The following F2 variants were observed in gnomAD, a reference collection of about 807,000 sequenced individuals.
F2 encodes prothrombin.
A neutral mutation model predicts 81.9 loss-of-function variants in F2; 34 were observed. That is an observed-to-expected ratio of 0.42 (90% CI 0.32 to 0.55). F2 has a LOEUF of 0.55. Among genes scored for constraint, F2 ranks in the 20% least tolerant of loss-of-function variants. F2 has a pLI of 0.18. For missense variants in F2, 630 were observed against 833.4 expected, an observed-to-expected ratio of 0.76 and a Z score of 3.00; for synonymous variants, 296 against 326.4, an observed-to-expected ratio of 0.91 and a Z score of 1.01.
Position 46,728,914 on chromosome 11 carries a change from A to AT in F2, c.1472+77_1472+78insT. 1.3e-6 allele frequency: 2 copies of AT among 1,521,942 alleles called. No homozygotes were observed. Among genetic ancestry groups the AT allele is most frequent in the Non-Finnish European group, 1.8e-6 (2 of 1,103,498 alleles). The allele number at this position is 1,521,942 out of a possible 1,614,324, so 94.3% of individuals were successfully genotyped here. ...TGGCTCTGATACCAAGTAGCCTTGC[A>AT]AGAGCCCCTTTCCCTTTTCCAGGCC... On this transcript the variant is annotated intron_variant, in intron 11 of 13. Coordinates refer to ENST00000311907, the MANE Select transcript of F2 (RefSeq NM_000506.5). This position sits in a 1 kb window ranked among gnomAD's most constrained non-coding sequence, Gnocchi z 5.1.
intron 12 of F2, among the ~76,000 whole-genome samples, chr11:46,730,862 CAAA>C (rs201584455): frequency 1.5e-5 from 2 of 135,782 alleles, no homozygotes; most frequent in Admixed American, 1.5e-4. Flanking sequence ...TGAGTATTTC[CAAA>C]AAAAAAAAAA....
chr11:46,722,706 T>TC (rs1297271601), intron 4 of F2, among the ~76,000 whole-genome samples: 1 of 152,358 alleles, frequency 6.6e-6, no homozygotes, highest in East Asian at 1.9e-4. Context: ...AGAGATGGCT[T>TC]CCCAGGAGAG....
chr11:46,728,529 T>C lies in F2; in HGVS notation c.1299-135T>C. On this transcript the variant is annotated intron_variant, in intron 10 of 13. Coordinates refer to ENST00000311907, the MANE Select transcript of F2 (RefSeq NM_000506.5). The surrounding 1 kb of genome is among the most constrained non-coding windows in gnomAD (Gnocchi z 5.1). Reference sequence around the variant, plus strand: ...GGAAGAAACACCCAGGGGGCTGCCATGGCAGGAACCAGCCCTATCCCCTCC... The same window carrying C: ...GGAAGAAACACCCAGGGGGCTGCCACGGCAGGAACCAGCCCTATCCCCTCC... 1 of 993,116 alleles carries C rather than the reference T, an allele frequency of 1.0e-6. No individual in the cohort carries two copies. The highest frequency in any genetic ancestry group is 1.5e-6 in the Non-Finnish European group (1 of 648,930). 61.5% of individuals were successfully genotyped at this position (993,116 alleles called of 1,614,324 possible).
At chr11:46,720,661 C>T in intron 3 of F2, 114 bp downstream of exon 3, 1 of 1,499,110 alleles carries the variant, frequency 6.7e-7, no homozygotes. Context: ...ACCCCTTCCC[C>T]ACTCCTTCCT....
At chr11:46,738,066 C>T (rs568644387) in intron 12 of F2, among the ~76,000 whole-genome samples, 7 of 152,134 alleles carry the variant, frequency 4.6e-5, no homozygotes, top group African/African-American at 7.2e-5. Context: ...GGTGCAATCC[C>T]GGCTCACTGC....
In F2 at chr11:46,719,544, AG is replaced by A; in HGVS notation, c.80-153del. 3.9e-6 allele frequency: 4 copies of A among 1,029,098 alleles called. No individual in the cohort carries two copies. The highest frequency in any genetic ancestry group is 4.3e-6 in the Non-Finnish European group (3 of 695,494). The allele number at this position is 1,029,098 out of a possible 1,614,324, so 63.7% of individuals were successfully genotyped here. A position where few individuals can be genotyped will look rare whatever the true frequency, so the allele number is the denominator to read the frequency against. On this transcript the variant is annotated intron_variant, in intron 1 of 13. Transcript: ENST00000311907. The surrounding 1 kb of genome is among the most constrained non-coding windows in gnomAD (Gnocchi z 4.7). Reference sequence around the variant, plus strand: ...GCAAGGGGCAGTGTAGGAGGGGCACAGGGGGCCACATTTAGCAGCCTTCCAG... The same window carrying A: ...GCAAGGGGCAGTGTAGGAGGGGCACAGGGGCCACATTTAGCAGCCTTCCAG...
Position 46,726,323 on chromosome 11 carries a change from T to G in F2, c.874+150T>G. ...GTGGGGGGTAAGGTCCTGTGCCCAT[T>G]TCACAGATAAGTACACTGAGGCCCC... On this transcript the variant is annotated intron_variant, in intron 7 of 13. Coordinates refer to ENST00000311907, the MANE Select transcript of F2 (RefSeq NM_000506.5). The surrounding 1 kb of genome is among the most constrained non-coding windows in gnomAD (Gnocchi z 5.9). 3 of 1,440,272 alleles carry G rather than the reference T, an allele frequency of 2.1e-6. No homozygotes were observed. The highest frequency in any genetic ancestry group is 2.8e-6 in the Non-Finnish European group (3 of 1,057,842). 89.2% of individuals were successfully genotyped at this position (1,440,272 alleles called of 1,614,324 possible).
At chr11:46,729,025 C>T (rs2064893991) in intron 11 of F2, among the ~76,000 whole-genome samples, 188 bp downstream of exon 11, 1 of 151,820 alleles carries the variant, frequency 6.6e-6, no homozygotes, top group African/African-American at 2.4e-5. Context: ...TGACGGAGTT[C>T]CACTCTTGTC....
chr11:46,723,212 C>T lies in F2; in HGVS notation c.349C>T (p.Arg117Ter), dbSNP rs1202167691. The change falls in exon 5 of 14, where the codon CGA becomes TGA. Residue 117 changes from arginine to a stop codon, truncating the protein, a stop_gained. Transcript: ENST00000311907. LOFTEE classifies it high-confidence loss of function. The surrounding 1 kb of genome is among the most constrained non-coding windows in gnomAD (Gnocchi z 5.6). ...TGCTGAGGGTCTGGGTACGAACTAC[C>T]GAGGGCATGTGAACATCACCCGGTC... ...NCAEGLGTNY[R>*]GHVNITRSGI... 4 of 1,613,998 alleles carry T rather than the reference C, an allele frequency of 2.5e-6. No individual in the cohort carries two copies. The highest frequency in any genetic ancestry group is 2.2e-5 in the South Asian group (2 of 91,078).
chr11:46,721,130 C>T (rs1235555153), intron 4 of F2, among the ~76,000 whole-genome samples: 4 of 151,988 alleles, frequency 2.6e-5, no homozygotes, highest in African/African-American at 4.8e-5. Context: ...CTGTAAACTC[C>T]GCCTCCCGGG....
intron 12 of F2, 80 bp downstream of exon 12, chr11:46,729,641 T>A (rs2064898682): frequency 8.5e-6 from 13 of 1,537,502 alleles, no homozygotes; most frequent in Middle Eastern, 1.8e-4. Context: ...TCAAGCCATG[T>A]GACTTTGAGC....
chr11:46,738,612 T>C (rs1203551274), intron 12 of F2, among the ~76,000 whole-genome samples: 2 of 152,194 alleles, frequency 1.3e-5, no homozygotes, highest in East Asian at 3.9e-4. Context: ...TAGCTGGGAC[T>C]CCAGGCATGT....
In F2 at chr11:46,726,148, T is replaced by G; in HGVS notation, c.849T>G (p.Phe283Leu). 1 of 1,614,000 alleles carries G rather than the reference T, an allele frequency of 6.2e-7. No homozygotes were observed. Among genetic ancestry groups the G allele is most frequent in the Non-Finnish European group, 8.5e-7 (1 of 1,180,016 alleles). Reference protein sequence around the residue: ...WCYVAGKPGDFGYCDLNYCEE... With the variant: ...WCYVAGKPGDLGYCDLNYCEE... ...ATGTGGCCGGGAAGCCTGGCGACTT[T>G]GGGTACTGCGACCTCAACTATTGTG... The change falls in exon 7 of 14, where the codon TTT (phenylalanine) becomes TTG (leucine). Residue 283 changes from phenylalanine to leucine, a missense_variant. Physicochemically the swap from Phe to Leu is conservative, Grantham distance 22. Transcript: ENST00000311907. The surrounding 1 kb of genome is among the most constrained non-coding windows in gnomAD (Gnocchi z 5.9).
chr11:46,729,259 C>A, intron 11 of F2, 121 bp from the exon 12 acceptor site: 1 of 1,133,594 alleles, frequency 8.8e-7, no homozygotes, highest in Non-Finnish European at 1.3e-6. Flanking sequence ...AGACCACAGG[C>A]GTGAACGTCT....
intron 9 of F2, 80 bp from the exon 10 acceptor site, chr11:46,727,916 C>T (rs2064885587): frequency 1.3e-6 from 2 of 1,503,142 alleles, no homozygotes; most frequent in Non-Finnish European, 1.8e-6. Context: ...GTTCTTAGAC[C>T]TGGGATTGTT....
rs999041103 is a variant in F2, at chr11:46,726,194, G to A, written c.874+21G>A. ...TTGTGGTGAGCTGCCTGGGTAGGGG[G>A]CCTGAGTTGCAGGGACAAATCCTGG... On this transcript the variant is annotated intron_variant, in intron 7 of 13. Coordinates refer to ENST00000311907, the MANE Select transcript of F2 (RefSeq NM_000506.5). The surrounding 1 kb of genome is among the most constrained non-coding windows in gnomAD (Gnocchi z 5.9). 1.2e-6 allele frequency: 2 copies of A among 1,611,302 alleles called. No individual in the cohort carries two copies. The highest frequency in any genetic ancestry group is 2.2e-5 in the East Asian group (1 of 44,876).
chr11:46,719,939 G>T lies in F2; in HGVS notation c.240+77G>T. ...TAGACACTTCCACAGAGAAGCAAGC[G>T]AGGAACGCCACAGCCCCTTCGCTGC... On this transcript the variant is annotated intron_variant, in intron 2 of 13. Coordinates refer to ENST00000311907, the MANE Select transcript of F2 (RefSeq NM_000506.5). The surrounding 1 kb of genome is among the most constrained non-coding windows in gnomAD (Gnocchi z 4.7). 6.6e-7 allele frequency: 1 copy of T among 1,520,350 alleles called. No homozygotes were observed. Among genetic ancestry groups the T allele is most frequent in the South Asian group, 1.2e-5 (1 of 83,468 alleles). The allele number at this position is 1,520,350 out of a possible 1,614,324, so 94.2% of individuals were successfully genotyped here. A position where few individuals can be genotyped will look rare whatever the true frequency, so the allele number is the denominator to read the frequency against.
At chr11:46,721,794 G>A (rs1018582809) in intron 4 of F2, among the ~76,000 whole-genome samples, 3 of 151,674 alleles carry the variant, frequency 2.0e-5, no homozygotes, top group African/African-American at 7.3e-5. Context: ...TCTCCCAAAG[G>A]AGTAGGATTA....
intron 12 of F2, among the ~76,000 whole-genome samples, 171 bp from the exon 13 acceptor site, chr11:46,738,877 G>A (rs912297707): frequency 2.0e-5 from 3 of 152,198 alleles, no homozygotes; most frequent in African/African-American, 7.2e-5. Context: ...TGGGGTCTAT[G>A]CTGAAGGTAG....
Sources: allele counts gnomAD v4.1 joint callset (sites outside exome capture counted in the v4.1 genomes callset), GRCh38; gene constraint gnomAD v4.1.1; non-coding constraint Gnocchi (gnomAD v3.1); transcripts MANE v1.5; gene names NCBI Gene and HGNC (gene_info 2026-07-23, HGNC 2026-07-21).